Variants in ZIC1 observed in about 807,000 individuals in gnomAD.
The protein encoded by ZIC1 is zinc finger protein ZIC 1.
ZIC1 carries 4 observed loss-of-function variants against 30.9 expected under a neutral mutation model. That is an observed-to-expected ratio of 0.13 (90% CI 0.06 to 0.30). ZIC1 has a LOEUF of 0.30. Among genes scored for constraint, ZIC1 ranks in the 10% least tolerant of loss-of-function variants. The pLI is 1.00. For synonymous variants in ZIC1, 305 were observed against 277.5 expected, an observed-to-expected ratio of 1.10 and a Z score of -0.98; for missense variants, 441 against 639.3, an observed-to-expected ratio of 0.69 and a Z score of 3.34.
rs1035784293 is a variant in ZIC1 at position 147,410,108 on chromosome 3, C to T, written c.-5C>T. 13 of 1,518,190 alleles carry T rather than the reference C, an allele frequency of 8.6e-6. No individual in the cohort carries two copies. Among genetic ancestry groups the T allele is most frequent in the Non-Finnish European group, 1.1e-5 (13 of 1,142,832 alleles). 94.0% of individuals were successfully genotyped at this position (1,518,190 alleles called of 1,614,324 possible). A position where few individuals can be genotyped will look rare whatever the true frequency, so the allele number is the denominator to read the frequency against. The stretch of plus-strand genomic sequence containing the variant: ...GGAGGCCGGGGCTCGCCCCGAGCAG[C>T]CACGATGCTCCTGGACGCCGGCCCC... On this transcript the variant is annotated 5_prime_UTR_variant, in exon 1 of 3. Coordinates refer to ENST00000282928, the MANE Select transcript of ZIC1 (RefSeq NM_003412.4).
intron 2 of ZIC1, 69 bp downstream of exon 2, chr3:147,412,750 G>A: frequency 1.9e-6 from 3 of 1,558,614 alleles, no homozygotes; most frequent in South Asian, 2.4e-5. Context: ...GGGGTCGGGC[G>A]GCGAGTGGCA....
At chr3:147,412,200 A>G (rs953491410) in intron 1 of ZIC1, among the ~76,000 whole-genome samples, 3 of 152,258 alleles carry the variant, frequency 2.0e-5, no homozygotes, top group East Asian at 1.9e-4. Context: ...GGTGGAAGCA[A>G]TCCGAAATCG....
intron 2 of ZIC1, among the ~76,000 whole-genome samples, chr3:147,413,106 C>G (rs1025209993): frequency 1.3e-5 from 2 of 152,162 alleles, no homozygotes; most frequent in African/African-American, 4.8e-5. Flanking sequence ...TCTCTGGCCT[C>G]ATATCCAGTC....
chr3:147,412,359 A>G (rs572542350), intron 1 of ZIC1, among the ~76,000 whole-genome samples, 159 bp from the exon 2 acceptor site: 12 of 152,336 alleles, frequency 7.9e-5, no homozygotes, highest in Admixed American at 7.8e-4. Context: ...TCCACTGCAG[A>G]TGTAAGAATT....
chr3:147,410,193 C>A lies in ZIC1; in HGVS notation c.81C>A (p.Asp27Glu), dbSNP rs1361788327. The A allele has an allele frequency of 1.2e-6, 2 of 1,600,766 alleles. No homozygotes were observed. The highest frequency in any genetic ancestry group is 2.7e-5 in the African/African-American group (2 of 74,826). ...FGASRHHSAG[D>E]VAERDVGLGI... ...CGTCCCGCCACCACTCCGCGGGCGA[C>A]GTGGCCGAACGAGACGTGGGCCTGG... Residue 27 changes from aspartate (D) to glutamate (E), a missense_variant, in exon 1 of 3, where the codon GAC (aspartate) becomes GAA (glutamate). Around this residue, in one of 5 missense-constraint regions of ZIC1, gnomAD observed 307 missense variants for 355.3 expected, o/e 0.86. Coordinates refer to ENST00000282928, the MANE Select transcript of ZIC1 (RefSeq NM_003412.4).
intron 1 of ZIC1, 22 bp downstream of exon 1, chr3:147,411,116 C>T (rs764819528): frequency 1.3e-5 from 20 of 1,596,104 alleles, no homozygotes; most frequent in African/African-American, 2.7e-5. Flanking sequence ...GCTGTAGGAC[C>T]CCTACCCATT....
In ZIC1 at chr3:147,415,135, C is replaced by T. The variant is rs559366353; in HGVS notation, c.*1584C>T. On this transcript the variant is annotated 3_prime_UTR_variant, in exon 3 of 3. Transcript: ENST00000282928. ...TCACTTATATTCTTCAAACATGATG[C>T]TAATTTAAATTAATTACTTCCTATG... 3.3e-5 allele frequency: 5 copies of T among 152,722 alleles called. No homozygotes were observed. The highest frequency in any genetic ancestry group is 1.2e-4 in the African/African-American group (5 of 41,562). The allele number at this position is 152,722 out of a possible 1,614,324, so 9.5% of individuals were successfully genotyped here.
chr3:147,412,482 T>G, intron 1 of ZIC1, 36 bp from the exon 2 acceptor site: 1 of 1,598,290 alleles, frequency 6.3e-7, no homozygotes, highest in East Asian at 2.2e-5. Context: ...GGTATTTTTT[T>G]CTAATTAGAC....
chr3:147,410,727 C>G lies in ZIC1; in HGVS notation c.615C>G (p.Ala205=). Reference sequence around the variant, plus strand: ...ACGGGCCCATGAACGTGAACATGGCCGCGCATCACGGCGCCGGCGCCTTCT... The same window carrying G: ...ACGGGCCCATGAACGTGAACATGGCGGCGCATCACGGCGCCGGCGCCTTCT... The part of the protein sequence containing the change: ...HGYGPMNVNM[A]AHHGAGAFFR... The change falls in exon 1 of 3, where the codon GCC becomes GCG. Residue 205 remains alanine, a synonymous_variant. Transcript: ENST00000282928. 1 of 1,614,038 alleles carries G rather than the reference C, an allele frequency of 6.2e-7. No individual in the cohort carries two copies. Among genetic ancestry groups the G allele is most frequent in the South Asian group, 1.1e-5 (1 of 91,076 alleles).
chr3:147,412,718 G>A, intron 2 of ZIC1, 37 bp downstream of exon 2: 1 of 1,595,564 alleles, frequency 6.3e-7, no homozygotes, highest in Non-Finnish European at 8.6e-7. Flanking sequence ...TTTGAGGCAG[G>A]AGCTCTCTTG....
Position 147,416,367 on chromosome 3 carries a change from T to C in ZIC1, c.*2816T>C, listed in dbSNP as rs978497166. 2.0e-5 allele frequency: 3 copies of C among 152,250 alleles called. No individual in the cohort carries two copies. Among genetic ancestry groups the C allele is most frequent in the South Asian group, 2.1e-4 (1 of 4,836 alleles). The allele number at this position is 152,250 out of a possible 1,614,324, so 9.4% of individuals were successfully genotyped here. A position where few individuals can be genotyped will look rare whatever the true frequency, so the allele number is the denominator to read the frequency against. On this transcript the variant is annotated 3_prime_UTR_variant, in exon 3 of 3. Transcript: ENST00000282928. Reference sequence around the variant, plus strand: ...AATTTTGCTGGTGCATTTAAGAAGATAGTAAATGATGAGTTCATCTTTTCT... The same window carrying C: ...AATTTTGCTGGTGCATTTAAGAAGACAGTAAATGATGAGTTCATCTTTTCT...
chr3:147,412,714 G>A lies in ZIC1; in HGVS notation c.1146+33G>A, dbSNP rs372793437. 11 of 1,596,612 alleles carry A rather than the reference G, an allele frequency of 6.9e-6. No homozygotes were observed. The African/African-American group carries it at 1.3e-4, about 19-fold the overall frequency. ...CCGCACTCTCGTCGCCCCCTTTGAG[G>A]CAGGAGCTCTCTTGGCTCTCGGCTT... On this transcript the variant is annotated intron_variant, in intron 2 of 2. Coordinates refer to ENST00000282928, the MANE Select transcript of ZIC1 (RefSeq NM_003412.4).
In ZIC1 at chr3:147,410,424, C is replaced by T. The variant is rs1157722681; in HGVS notation, c.312C>T (p.Asn104=). The T allele has an allele frequency of 4.4e-6, 7 of 1,603,618 alleles. No homozygotes were observed. Among genetic ancestry groups the T allele is most frequent in the Non-Finnish European group, 5.9e-6 (7 of 1,179,688 alleles). The change falls in exon 1 of 3, where the codon AAC becomes AAT. Residue 104 remains asparagine (N), a synonymous_variant. Coordinates refer to ENST00000282928, the MANE Select transcript of ZIC1 (RefSeq NM_003412.4). ...CCACGCGGGACTTTCTGTTCCGCAA[C>T]CGGGGTTTTGGCGACGCGGCGGCGG... ...FNSTRDFLFR[N]RGFGDAAAAA...
At position 147,416,075 on chromosome 3, in the gene ZIC1, T is replaced by C. The variant is rs1176586884; in HGVS notation, c.*2524T>C. 1 of 152,240 alleles carries C rather than the reference T, an allele frequency of 6.6e-6. No individual in the cohort carries two copies. Among genetic ancestry groups the C allele is most frequent in the African/African-American group, 2.4e-5 (1 of 41,466 alleles). The allele number at this position is 152,240 out of a possible 1,614,324, so 9.4% of individuals were successfully genotyped here. A position where few individuals can be genotyped will look rare whatever the true frequency, so the allele number is the denominator to read the frequency against. On this transcript the variant is annotated 3_prime_UTR_variant, in exon 3 of 3. Coordinates refer to ENST00000282928, the MANE Select transcript of ZIC1 (RefSeq NM_003412.4). The stretch of plus-strand genomic sequence containing the variant: ...GGAAGTTGAATACCTAAGCAGGAAT[T>C]GCTGCTAGCTCCAAAAATTTGCGAA...
Position 147,412,492 on chromosome 3 carries a change from C to A in ZIC1, c.983-26C>A, listed in dbSNP as rs1019109210. The stretch of plus-strand genomic sequence containing the variant: ...GCCGCGGTATTTTTTTCTAATTAGA[C>A]CCCTCTCATTCTACTTTGGCACCAG... On this transcript the variant is annotated intron_variant, in intron 1 of 2. Transcript: ENST00000282928. 13 of 1,610,752 alleles carry A rather than the reference C, an allele frequency of 8.1e-6. No individual in the cohort carries two copies. In the East Asian group the frequency reaches 2.9e-4, roughly 36 times the overall value.
At position 147,414,370 on chromosome 3, in the gene ZIC1, C is replaced by A. The variant is rs914556168; in HGVS notation, c.*819C>A. 1 of 152,432 alleles carries A rather than the reference C, an allele frequency of 6.6e-6. No homozygotes were observed. Among genetic ancestry groups the A allele is most frequent in the Admixed American group, 6.5e-5 (1 of 15,270 alleles). 9.4% of individuals were successfully genotyped at this position (152,432 alleles called of 1,614,324 possible). A position where few individuals can be genotyped will look rare whatever the true frequency, so the allele number is the denominator to read the frequency against. ...AAAAAAGATATAAACTATAACTGTC[C>A]GTTACTTTTGGCAAAAGATACAACC... On this transcript the variant is annotated 3_prime_UTR_variant, in exon 3 of 3. Coordinates refer to ENST00000282928, the MANE Select transcript of ZIC1 (RefSeq NM_003412.4).
rs1168681773 is a variant in ZIC1 at position 147,413,633 on chromosome 3, C to G, written c.*82C>G. The G allele has an allele frequency of 9.4e-6, 14 of 1,493,128 alleles. No individual in the cohort carries two copies. The highest frequency in any genetic ancestry group is 4.1e-5 in the Admixed American group (2 of 48,774). The allele number at this position is 1,493,128 out of a possible 1,614,324, so 92.5% of individuals were successfully genotyped here. A position where few individuals can be genotyped will look rare whatever the true frequency, so the allele number is the denominator to read the frequency against. On this transcript the variant is annotated 3_prime_UTR_variant, in exon 3 of 3. Coordinates refer to ENST00000282928, the MANE Select transcript of ZIC1 (RefSeq NM_003412.4). The stretch of plus-strand genomic sequence containing the variant: ...ACACAACATTACTGAAAGAACCCTG[C>G]GAATCAAAACAACCCCCACACAGAC...
chr3:147,410,100 C>A lies in ZIC1; in HGVS notation c.-13C>A. The A allele has an allele frequency of 1.3e-6, 2 of 1,492,362 alleles. No individual in the cohort carries two copies. Among genetic ancestry groups the A allele is most frequent in the African/African-American group, 1.4e-5 (1 of 69,754 alleles). 92.4% of individuals were successfully genotyped at this position (1,492,362 alleles called of 1,614,324 possible). A position where few individuals can be genotyped will look rare whatever the true frequency, so the allele number is the denominator to read the frequency against. ...GGGGCGGGGGAGGCCGGGGCTCGCC[C>A]CGAGCAGCCACGATGCTCCTGGACG... On this transcript the variant is annotated 5_prime_UTR_variant, in exon 1 of 3. Coordinates refer to ENST00000282928, the MANE Select transcript of ZIC1 (RefSeq NM_003412.4).
At chr3:147,412,344 A>G (rs2087388421) in intron 1 of ZIC1, among the ~76,000 whole-genome samples, 174 bp from the exon 2 acceptor site, 1 of 152,252 alleles carries the variant, frequency 6.6e-6, no homozygotes, top group Non-Finnish European at 1.5e-5. Context: ...TAAGATATTT[A>G]TAATTCCACT....
Sources: allele counts gnomAD v4.1 joint callset (sites outside exome capture counted in the v4.1 genomes callset), GRCh38; gene constraint gnomAD v4.1.1; regional missense constraint gnomAD v4.1.1; transcripts MANE v1.5; gene names NCBI Gene and HGNC (gene_info 2026-07-23, HGNC 2026-07-21).